Variants in TBC1D9 observed in about 807,000 individuals in gnomAD.
TBC1D9 encodes TBC1 domain family member 9.
TBC1D9 carries 63 observed loss-of-function variants against 132.0 expected under a neutral mutation model. The observed-to-expected ratio is 0.48, with a 90% confidence interval of 0.39 to 0.59. The LOEUF (loss-of-function observed/expected upper bound fraction) is 0.59, where lower values mean the gene tolerates loss of function less well. TBC1D9 is among the 20% of genes least tolerant of loss of function. The probability of loss-of-function intolerance (pLI) is 0.00; values close to 1 mark genes in which losing one functional copy is unlikely to be tolerated. For synonymous variants in TBC1D9, 610 were observed against 609.9 expected, an observed-to-expected ratio of 1.00 and a Z score of 0.00; for missense variants, 1,261 against 1,592.7, an observed-to-expected ratio of 0.79 and a Z score of 3.54.
At chr4:140,663,982 T>C (rs1229798414) in intron 9 of TBC1D9, among the ~76,000 whole-genome samples, 1 of 147,538 alleles carries the variant, frequency 6.8e-6, no homozygotes, top group Non-Finnish European at 1.5e-5. Flanking sequence ...CTGTATTGTA[T>C]ACTTGAAATT....
intron 9 of TBC1D9, among the ~76,000 whole-genome samples, chr4:140,666,540 T>G (rs1033299079): frequency 1.1e-4 from 17 of 151,930 alleles, no homozygotes; most frequent in African/African-American, 3.9e-4. Context: ...GGGTTTCACC[T>G]TGTTAGCCAG....
chr4:140,657,413 C>T (rs1315367683), intron 12 of TBC1D9, 114 bp downstream of exon 12: 2 of 1,347,370 alleles, frequency 1.5e-6, no homozygotes, highest in African/African-American at 2.9e-5. Flanking sequence ...TCCTCAGCCA[C>T]AGGAAGAAGC....
At chr4:140,625,643 T>A (rs1366358522) in intron 18 of TBC1D9, among the ~76,000 whole-genome samples, 1 of 152,198 alleles carries the variant, frequency 6.6e-6, no homozygotes, top group Non-Finnish European at 1.5e-5. Flanking sequence ...AGGCAACAAG[T>A]GGATTTTTAA....
chr4:140,678,392 G>A (rs1737656796), intron 5 of TBC1D9, among the ~76,000 whole-genome samples: 1 of 152,090 alleles, frequency 6.6e-6, no homozygotes, highest in Admixed American at 6.5e-5. Flanking sequence ...CAGGCACATG[G>A]GGCATCAACT....
chr4:140,755,336 A>G (rs1414542474), intron 1 of TBC1D9, among the ~76,000 whole-genome samples: 1 of 152,222 alleles, frequency 6.6e-6, no homozygotes, highest in Non-Finnish European at 1.5e-5. Context: ...ACAGCCAATT[A>G]TTTTTACAAC....
chr4:140,646,833 G>A (rs1479486737), intron 13 of TBC1D9, among the ~76,000 whole-genome samples: 1 of 152,222 alleles, frequency 6.6e-6, no homozygotes, highest in East Asian at 1.9e-4. Flanking sequence ...CCAAGGAAGT[G>A]CCTTCCAAAG....
chr4:140,645,134 C>T (rs1737084099), intron 13 of TBC1D9: 1 of 562,698 alleles, frequency 1.8e-6, no homozygotes, highest in Non-Finnish European at 3.4e-6. Context: ...TGGTAGGGTG[C>T]ACGTGGGCCA....
intron 9 of TBC1D9, among the ~76,000 whole-genome samples, chr4:140,668,127 C>T (rs1205125051): frequency 1.3e-5 from 2 of 152,134 alleles, no homozygotes; most frequent in Non-Finnish European, 2.9e-5. Context: ...CTAAGGAGTG[C>T]TCTGATGTCT....
intron 1 of TBC1D9, among the ~76,000 whole-genome samples, chr4:140,743,285 C>T (rs1408198630): frequency 1.3e-5 from 2 of 152,198 alleles, no homozygotes; most frequent in Non-Finnish European, 2.9e-5. Flanking sequence ...CTAATACCTA[C>T]ATGAGATCAT....
chr4:140,737,382 C>T (rs1263178562), intron 1 of TBC1D9, among the ~76,000 whole-genome samples: 1 of 151,960 alleles, frequency 6.6e-6, no homozygotes, highest in Non-Finnish European at 1.5e-5. Flanking sequence ...TCCCTCCATT[C>T]TCTATCTCTC....
At chr4:140,753,642 T>C (rs1738959811) in intron 1 of TBC1D9, among the ~76,000 whole-genome samples, 1 of 152,202 alleles carries the variant, frequency 6.6e-6, no homozygotes, top group Non-Finnish European at 1.5e-5. Flanking sequence ...TTTTCGAAGT[T>C]GTCTTTTCAC....
intron 2 of TBC1D9, among the ~76,000 whole-genome samples, chr4:140,699,858 G>GT (rs1169951026): frequency 6.6e-6 from 1 of 152,312 alleles, no homozygotes; most frequent in Non-Finnish European, 1.5e-5. Context: ...TGCATGGGGG[G>GT]TGGTATAGAT....
chr4:140,700,304 G>T (rs1337626588), intron 2 of TBC1D9, among the ~76,000 whole-genome samples: 1 of 151,894 alleles, frequency 6.6e-6, no homozygotes, highest in Admixed American at 6.6e-5. Context: ...ATAAAAATTA[G>T]CTGGGCGTGG....
intron 2 of TBC1D9, among the ~76,000 whole-genome samples, chr4:140,688,387 T>G (rs1325659599): frequency 6.6e-6 from 1 of 152,126 alleles, no homozygotes; most frequent in African/African-American, 2.4e-5. Context: ...CAAAACTGGC[T>G]GGGGGCAGTA....
chr4:140,717,309 G>A (rs1160247854), intron 1 of TBC1D9, among the ~76,000 whole-genome samples: 1 of 152,032 alleles, frequency 6.6e-6, no homozygotes, highest in Non-Finnish European at 1.5e-5. Context: ...GAGGGAGAGG[G>A]GAAAAGCCCA....
chr4:140,723,411 G>A (rs188012157), intron 1 of TBC1D9, among the ~76,000 whole-genome samples: 60 of 152,292 alleles, frequency 3.9e-4, no homozygotes, highest in African/African-American at 1.3e-3. Context: ...TGGGCTCACT[G>A]AAACCTCCGC....
intron 3 of TBC1D9, among the ~76,000 whole-genome samples, chr4:140,681,252 G>T (rs1737698555): frequency 6.6e-6 from 1 of 152,168 alleles, no homozygotes; most frequent in Non-Finnish European, 1.5e-5. Flanking sequence ...GAATCAGACT[G>T]TTCTGTTTCG....
chr4:140,738,101 T>C (rs1738704211), intron 1 of TBC1D9, among the ~76,000 whole-genome samples: 1 of 152,214 alleles, frequency 6.6e-6, no homozygotes, highest in Admixed American at 6.5e-5. Context: ...TCATGACATT[T>C]AACACAAATT....
intron 1 of TBC1D9, among the ~76,000 whole-genome samples, chr4:140,749,417 T>A (rs1738887977): frequency 6.6e-6 from 1 of 152,044 alleles, no homozygotes; most frequent in Admixed American, 6.5e-5. Context: ...GAACACAAGG[T>A]AGCTAGAAAA....
Sources: gnomAD v4.1 joint callset for allele counts (sites outside exome capture counted in the v4.1 genomes callset) on GRCh38, gnomAD v4.1.1 for gene constraint, MANE v1.5 for transcripts, NCBI Gene and HGNC (gene_info 2026-07-23, HGNC 2026-07-21) for gene names.